FNBP1: variants seen among roughly 807,000 people sequenced by gnomAD.
FNBP1 encodes the protein formin-binding protein 1.
A neutral mutation model predicts 90.6 loss-of-function variants in FNBP1; 26 were observed. The observed-to-expected ratio is 0.29, with a 90% confidence interval of 0.21 to 0.40. FNBP1 has a LOEUF of 0.40. FNBP1 is among the 10% of genes least tolerant of loss of function. The pLI, the probability that FNBP1 is intolerant of heterozygous loss-of-function variation, is 1.00. For missense variants in FNBP1, 635 were observed against 768.0 expected, an observed-to-expected ratio of 0.83 and a Z score of 2.05; for synonymous variants, 260 against 265.2, an observed-to-expected ratio of 0.98 and a Z score of 0.19.
At chr9:130,050,912 T>C in the FNBP1 span, among the ~76,000 whole-genome samples, 1 of 151,706 alleles carries the variant, frequency 6.6e-6, no homozygotes, top group Non-Finnish European at 1.5e-5. Context: ...TAATTTTTTT[T>C]TTTTTTGAGA....
chr9:130,003,453 A>G (rs1037340762), intron 1 of FNBP1, among the ~76,000 whole-genome samples: 2 of 152,032 alleles, frequency 1.3e-5, no homozygotes, highest in Admixed American at 1.3e-4. Flanking sequence ...AAACTACAAA[A>G]AAAATGAGCC....
chr9:129,890,695 G>A lies in FNBP1; in HGVS notation c.1847-149C>T, dbSNP rs2035018900. On this transcript the variant is annotated intron_variant, in intron 16 of 16. Coordinates refer to ENST00000446176, the MANE Select transcript of FNBP1 (RefSeq NM_015033.3). This position sits in a 1 kb window ranked among gnomAD's most constrained non-coding sequence, Gnocchi z 5.8. ...GAGGGATGGGAGGGGGCGTCTTAGA[G>A]CAATCGGTTACCACAGGGCGGGTCT... The A allele has an allele frequency of 2.8e-5, 19 of 675,662 alleles. No homozygotes were observed. The South Asian group carries it at 3.3e-4, about 12-fold the overall frequency. The allele number at this position is 675,662 out of a possible 1,614,324, so 41.9% of individuals were successfully genotyped here. A position where few individuals can be genotyped will look rare whatever the true frequency, so the allele number is the denominator to read the frequency against.
chr9:129,977,095 G>A lies in FNBP1; in HGVS notation c.345+1370C>T, dbSNP rs181362629. 2.0e-5 allele frequency among the ~76,000 whole-genome samples: 3 copies of A among 151,288 alleles called. No homozygotes were observed. The Admixed American group carries it at 2.0e-4, about 10-fold the overall frequency. On this transcript the variant is annotated intron_variant, in intron 4 of 16. Coordinates refer to ENST00000446176, the MANE Select transcript of FNBP1 (RefSeq NM_015033.3). Reference sequence around the variant, plus strand: ...AATCGCTTGAACCCGGGGGGCGGAGGTTTCAGGGAGTCGAGATCGCACCAC... The same window carrying A: ...AATCGCTTGAACCCGGGGGGCGGAGATTTCAGGGAGTCGAGATCGCACCAC...
At chr9:129,991,940 T>C (rs2053232082) in intron 2 of FNBP1, among the ~76,000 whole-genome samples, 1 of 152,238 alleles carries the variant, frequency 6.6e-6, no homozygotes, top group African/African-American at 2.4e-5. Context: ...ATTACAGGCA[T>C]AAGCCACCGC....
intron 1 of FNBP1, among the ~76,000 whole-genome samples, chr9:130,019,326 G>A (rs889717305): frequency 6.7e-6 from 1 of 150,006 alleles, no homozygotes; most frequent in African/African-American, 2.4e-5. Context: ...AGATCAAATT[G>A]TTATATTTCT....
Position 129,957,325 on chromosome 9 carries a change from A to C in FNBP1, c.513+35T>G, listed in dbSNP as rs1249322293. On this transcript the variant is annotated intron_variant, in intron 6 of 16. Coordinates refer to ENST00000446176, the MANE Select transcript of FNBP1 (RefSeq NM_015033.3). This position sits in a 1 kb window ranked among gnomAD's most constrained non-coding sequence, Gnocchi z 4.3. ...AGTGCTGGGATTACAGGCGTGAGCC[A>C]CCGTGCCCGGCCCACACTTGAGCTT... 19 of 1,473,692 alleles carry C rather than the reference A, an allele frequency of 1.3e-5. No homozygotes were observed. Among genetic ancestry groups the C allele is most frequent in the Middle Eastern group, 1.7e-4 (1 of 5,760 alleles). The allele number at this position is 1,473,692 out of a possible 1,614,324, so 91.3% of individuals were successfully genotyped here.
At chr9:130,048,356 T>C in the FNBP1 span, among the ~76,000 whole-genome samples, 2 of 127,262 alleles carry the variant, frequency 1.6e-5, no homozygotes, top group Non-Finnish European at 3.2e-5. Context: ...AGGGATCTCA[T>C]AGGTTGTCAT....
chr9:130,043,051 C>T lies in FNBP1; in HGVS notation c.-76G>A, dbSNP rs932341927. ...TCCCCCTCCCCGGCGATCCCTTTGC[C>T]CCCCGAGATCCCCGCGACGGCGGAA... is the stretch of plus-strand genomic sequence containing the variant. On this transcript the variant is annotated 5_prime_UTR_variant, in exon 1 of 17. Transcript: ENST00000446176. The T allele has an allele frequency of 3.9e-5, 47 of 1,199,190 alleles. No individual in the cohort carries two copies. The South Asian group carries it at 5.9e-4, about 15-fold the overall frequency. The allele number at this position is 1,199,190 out of a possible 1,614,324, so 74.3% of individuals were successfully genotyped here.
At position 129,942,952 on chromosome 9, in the gene FNBP1, C is replaced by CA. The variant is rs563740590; in HGVS notation, c.514-13258dup. The stretch of plus-strand genomic sequence containing the variant: ...AAGCAATCCTCCTGCCTTGGCCTCC[C>CA]AAAATGCTAGAATTATAGGCATGAG... On this transcript the variant is annotated intron_variant, in intron 6 of 16. Transcript: ENST00000446176. 1.4e-3 allele frequency among the ~76,000 whole-genome samples: 220 copies of CA among 152,080 alleles called. 1 individual carries two copies. The highest frequency in any genetic ancestry group is 0.01 in the Middle Eastern group (3 of 294).
chr9:129,914,911 G>A (rs771403008), intron 11 of FNBP1: 1 of 477,656 alleles, frequency 2.1e-6, no homozygotes, highest in Admixed American at 2.2e-5. Context: ...CTTAGCTGTG[G>A]AGTTTGAGAA....
Position 129,929,553 on chromosome 9 carries a change from T to A in FNBP1, c.642+14A>T, listed in dbSNP as rs1201522937. 6.2e-7 allele frequency: 1 copy of A among 1,611,160 alleles called. No homozygotes were observed. The highest frequency in any genetic ancestry group is 2.2e-5 in the East Asian group (1 of 44,826). On this transcript the variant is annotated intron_variant, in intron 7 of 16. Coordinates refer to ENST00000446176, the MANE Select transcript of FNBP1 (RefSeq NM_015033.3). ...AGCATAAAACATGAAATCTGAGAGA[T>A]GTTCAGGACTTACCTGGAAGATGTT... is the stretch of plus-strand genomic sequence containing the variant.
intron 1 of FNBP1, among the ~76,000 whole-genome samples, chr9:130,040,289 A>G (rs2059705676): frequency 6.6e-6 from 1 of 152,196 alleles, no homozygotes; most frequent in Non-Finnish European, 1.5e-5. Flanking sequence ...ATTAAACTGT[A>G]AGCTACTCAA....
intron 2 of FNBP1, among the ~76,000 whole-genome samples, chr9:129,992,769 G>T (rs1255474976): frequency 6.7e-6 from 1 of 149,934 alleles, no homozygotes; most frequent in Non-Finnish European, 1.5e-5. Context: ...GACCAGGCTG[G>T]TCTCAAACTC....
intron 4 of FNBP1, among the ~76,000 whole-genome samples, chr9:129,967,273 T>A (rs970413225): frequency 6.6e-6 from 1 of 152,154 alleles, no homozygotes; most frequent in African/African-American, 2.4e-5. Context: ...CCCAGCACTA[T>A]GGGAGGCAAA....
At chr9:130,013,725 T>C (rs1359409512) in intron 1 of FNBP1, 10 of 456,738 alleles carry the variant, frequency 2.2e-5, no homozygotes, top group South Asian at 1.5e-4. Context: ...CCAAAGTTCA[T>C]GTGTCAGAAA....
Position 130,031,189 on chromosome 9 carries a change from G to C in FNBP1, c.24+11763C>G, listed in dbSNP as rs894556692. 6.6e-6 allele frequency among the ~76,000 whole-genome samples: 1 copy of C among 152,174 alleles called. No individual in the cohort carries two copies. The highest frequency in any genetic ancestry group is 2.4e-5 in the African/African-American group (1 of 41,440). ...AACAGGTTGAGAAATGCAATAGATA[G>C]AAAGGCTCTCTACTGAAACCCACTC... is the stretch of plus-strand genomic sequence containing the variant. On this transcript the variant is annotated intron_variant, in intron 1 of 16. Transcript: ENST00000446176. The surrounding 1 kb of genome is among the most constrained non-coding windows in gnomAD (Gnocchi z 4.2).
At chr9:129,910,539 A>G (rs2039084277) in intron 11 of FNBP1, among the ~76,000 whole-genome samples, 1 of 150,312 alleles carries the variant, frequency 6.7e-6, no homozygotes, top group South Asian at 2.1e-4. Flanking sequence ...AACCAGGGAT[A>G]AGCCAGGGCA....
intron 6 of FNBP1, among the ~76,000 whole-genome samples, chr9:129,955,149 T>A (rs548021721): frequency 3.5e-4 from 53 of 152,004 alleles, no homozygotes; most frequent in African/African-American, 1.2e-3. Context: ...GCATGAAGAT[T>A]GGAAAAGAAA....
Position 129,904,665 on chromosome 9 carries a change from C to G in FNBP1, c.1296-1664G>C, listed in dbSNP as rs754595035. ...GCTGAGACCCACTTGGACTTCCAGC[C>G]GCTTTATCTTGTTTCTTTCCTCTCT... On this transcript the variant is annotated intron_variant, in intron 12 of 16. Coordinates refer to ENST00000446176, the MANE Select transcript of FNBP1 (RefSeq NM_015033.3). Among the ~76,000 whole-genome samples the G allele has an allele frequency of 2.6e-5, 4 of 152,188 alleles. No individual in the cohort carries two copies. In the East Asian group the frequency reaches 5.8e-4, roughly 22 times the overall value.
Sources: gnomAD v4.1 joint callset for allele counts (sites outside exome capture counted in the v4.1 genomes callset) on GRCh38, gnomAD v4.1.1 for gene constraint, Gnocchi (gnomAD v3.1) non-coding constraint, MANE v1.5 for transcripts, NCBI Gene and HGNC (gene_info 2026-07-23, HGNC 2026-07-21) for gene names.